The following SVIP variants were observed in gnomAD, a reference collection of about 807,000 sequenced individuals.
SVIP encodes small VCP/p97-interacting protein.
In SVIP, 14 loss-of-function variants were observed where a neutral mutation model predicts 12.9. That is an observed-to-expected ratio of 1.08 (90% CI 0.72 to 1.70). The LOEUF (loss-of-function observed/expected upper bound fraction) is 1.70. SVIP is among the 40% of genes most tolerant of loss of function. SVIP has a pLI of 0.00. For missense variants in SVIP, 93 were observed against 90.8 expected (o/e 1.02, Z -0.10); for synonymous variants, 35 against 33.3 (o/e 1.05, Z -0.17).
chr11:22,825,124 T>C (rs1208655179), intron 3 of SVIP, among the ~76,000 whole-genome samples: 4 of 151,990 alleles, frequency 2.6e-5, no homozygotes. Context: ...ACTCATACTC[T>C]AGGTAGAGTC....
Position 22,819,790 on chromosome 11 carries a change from CAAA to C in SVIP, c.*3326_*3328del. 6.6e-6 allele frequency: 1 copy of C among 152,234 alleles called. No individual in the cohort carries two copies. The highest frequency in any genetic ancestry group is 2.1e-4 in the South Asian group (1 of 4,792). 9.4% of individuals were successfully genotyped at this position (152,234 alleles called of 1,614,324 possible). A position where few individuals can be genotyped will look rare whatever the true frequency, so the allele number is the denominator to read the frequency against. On this transcript the variant is annotated 3_prime_UTR_variant, in exon 4 of 4. Transcript: ENST00000354193. ...TCCATCTCAAAAAACAAAACAAAAC[CAAA>C]AAAAGCCAATGCAATTCAGGATATA... is the stretch of plus-strand genomic sequence containing the variant.
At position 22,821,908 on chromosome 11, in the gene SVIP, A is replaced by G. The variant is rs1857501366; in HGVS notation, c.*1211T>C. The G allele has an allele frequency of 6.6e-6, 1 of 152,220 alleles. No homozygotes were observed. The highest frequency in any genetic ancestry group is 1.5e-5 in the Non-Finnish European group (1 of 68,024). The allele number at this position is 152,220 out of a possible 1,614,324, so 9.4% of individuals were successfully genotyped here. A position where few individuals can be genotyped will look rare whatever the true frequency, so the allele number is the denominator to read the frequency against. ...ATAACATAATTTTTGTTGGAGGGGT[A>G]GATGAAGATAGTGGCTCAGTTTCCT... On this transcript the variant is annotated 3_prime_UTR_variant, in exon 4 of 4. Coordinates refer to ENST00000354193, the MANE Select transcript of SVIP (RefSeq NM_148893.3).
In SVIP at chr11:22,829,777, G is replaced by A; in HGVS notation, c.-29C>T. The A allele has an allele frequency of 6.3e-7, 1 of 1,590,454 alleles. No homozygotes were observed. The highest frequency in any genetic ancestry group is 8.6e-7 in the Non-Finnish European group (1 of 1,169,500). On this transcript the variant is annotated 5_prime_UTR_variant, in exon 1 of 4. Transcript: ENST00000354193. Reference sequence around the variant, plus strand: ...GACGACAGCTTGAGAACCCTGACCGGGTCCGGCCCAGGCCAGGCGGCGCTA... The same window carrying A: ...GACGACAGCTTGAGAACCCTGACCGAGTCCGGCCCAGGCCAGGCGGCGCTA...
At chr11:22,828,007 G>T in intron 1 of SVIP, 133 bp from the exon 2 acceptor site, 1 of 579,276 alleles carries the variant, frequency 1.7e-6, no homozygotes, top group Admixed American at 3.7e-5. Flanking sequence ...CACAAAGAAT[G>T]CCACTACTCA....
rs924964222 is a variant in SVIP, at chr11:22,829,629, G to A, written c.54+66C>T. On this transcript the variant is annotated intron_variant, in intron 1 of 3. Transcript: ENST00000354193. ...GCCACCAGGTACAATGGCTCGGCCCGCCCCGCAACCCGAGGACAGGTGCTC... is the reference window on the plus strand; with the variant it reads ...GCCACCAGGTACAATGGCTCGGCCCACCCCGCAACCCGAGGACAGGTGCTC... The A allele has an allele frequency of 7.4e-6, 11 of 1,489,914 alleles. 2 individuals carry two copies. The Middle Eastern group carries it at 5.5e-4, about 75-fold the overall frequency. 92.3% of individuals were successfully genotyped at this position (1,489,914 alleles called of 1,614,324 possible).
At chr11:22,825,352 T>C (rs935884198) in intron 3 of SVIP, among the ~76,000 whole-genome samples, 1 of 152,156 alleles carries the variant, frequency 6.6e-6, no homozygotes, top group South Asian at 2.1e-4. Context: ...TCTTGACATG[T>C]TGTGCATGTG....
At chr11:22,823,260 C>T (rs570410374) in intron 3 of SVIP, 127 bp from the exon 4 acceptor site, 57 of 638,494 alleles carry the variant, frequency 8.9e-5, no homozygotes, top group Middle Eastern at 4.4e-4. Flanking sequence ...TTCTGAATAG[C>T]AGCTATTCAT....
rs1465357600 is a variant in SVIP at position 22,822,036 on chromosome 11, A to G, written c.*1083T>C. On this transcript the variant is annotated 3_prime_UTR_variant, in exon 4 of 4. Transcript: ENST00000354193. ...GGCTCAACATGTGGCCTTGCCATTTAAAAGAGCTATCAGCCTTAATAGCTA... is the reference window on the plus strand; with the variant it reads ...GGCTCAACATGTGGCCTTGCCATTTGAAAGAGCTATCAGCCTTAATAGCTA... 6.6e-6 allele frequency: 1 copy of G among 152,214 alleles called. No homozygotes were observed. Among genetic ancestry groups the G allele is most frequent in the Non-Finnish European group, 1.5e-5 (1 of 68,006 alleles). 9.4% of individuals were successfully genotyped at this position (152,214 alleles called of 1,614,324 possible).
Position 22,822,578 on chromosome 11 carries a change from G to T in SVIP, c.*541C>A, listed in dbSNP as rs1253909526. ...TGGAAAAAATTTTACATCTGCCTAA[G>T]AATACTCATTACTAAGTTATAAAAA... is the stretch of plus-strand genomic sequence containing the variant. On this transcript the variant is annotated 3_prime_UTR_variant, in exon 4 of 4. Transcript: ENST00000354193. 6.6e-6 allele frequency: 1 copy of T among 152,076 alleles called. No homozygotes were observed. The highest frequency in any genetic ancestry group is 2.4e-5 in the African/African-American group (1 of 41,424). 9.4% of individuals were successfully genotyped at this position (152,076 alleles called of 1,614,324 possible).
At chr11:22,827,771 A>G (rs1436262638) in intron 2 of SVIP, 53 bp downstream of exon 2, 1 of 1,448,978 alleles carries the variant, frequency 6.9e-7, no homozygotes, top group Non-Finnish European at 9.4e-7. Flanking sequence ...TCTATGAAGA[A>G]TAAAGTCCAA....
In SVIP at chr11:22,820,739, T is replaced by A. The variant is rs1381378338; in HGVS notation, c.*2380A>T. On this transcript the variant is annotated 3_prime_UTR_variant, in exon 4 of 4. Transcript: ENST00000354193. Reference sequence around the variant, plus strand: ...AACAAACAGAAACACAGAGATGTTTTAAAAAACATGCAGCACGTTACAAAG... The same window carrying A: ...AACAAACAGAAACACAGAGATGTTTAAAAAAACATGCAGCACGTTACAAAG... 1 of 152,182 alleles carries A rather than the reference T, an allele frequency of 6.6e-6. No individual in the cohort carries two copies. The highest frequency in any genetic ancestry group is 1.5e-5 in the Non-Finnish European group (1 of 68,028). 9.4% of individuals were successfully genotyped at this position (152,182 alleles called of 1,614,324 possible).
chr11:22,824,497 C>T (rs200250559), intron 3 of SVIP, among the ~76,000 whole-genome samples: 11 of 120,240 alleles, frequency 9.1e-5, no homozygotes, highest in East Asian at 7.3e-4. Context: ...TATATATATA[C>T]GTATATATAT....
intron 3 of SVIP, among the ~76,000 whole-genome samples, chr11:22,826,543 G>C (rs1274785925): frequency 6.6e-6 from 1 of 152,056 alleles, no homozygotes; most frequent in Non-Finnish European, 1.5e-5. Context: ...ATTTTCCTGA[G>C]CTTTAAGGGA....
chr11:22,827,893 AT>A lies in SVIP; in HGVS notation c.55-20del, dbSNP rs1225674890. 5.3e-6 allele frequency: 8 copies of A among 1,514,178 alleles called. No homozygotes were observed. The highest frequency in any genetic ancestry group is 7.1e-6 in the Non-Finnish European group (8 of 1,118,982). 93.8% of individuals were successfully genotyped at this position (1,514,178 alleles called of 1,614,324 possible). A position where few individuals can be genotyped will look rare whatever the true frequency, so the allele number is the denominator to read the frequency against. On this transcript the variant is annotated intron_variant, in intron 1 of 3. Transcript: ENST00000354193. ...TCTCTTCCTAAATAAATGTGTAAAA[AT>A]ATGTATTAAAATAACAAACATTATT...
rs1857478578 is a variant in SVIP at position 22,821,311 on chromosome 11, A to C, written c.*1808T>G. 6.6e-6 allele frequency: 1 copy of C among 151,892 alleles called. No homozygotes were observed. Among genetic ancestry groups the C allele is most frequent in the Admixed American group, 6.6e-5 (1 of 15,228 alleles). The allele number at this position is 151,892 out of a possible 1,614,324, so 9.4% of individuals were successfully genotyped here. On this transcript the variant is annotated 3_prime_UTR_variant, in exon 4 of 4. Coordinates refer to ENST00000354193, the MANE Select transcript of SVIP (RefSeq NM_148893.3). The stretch of plus-strand genomic sequence containing the variant: ...CTGCGACCCATGTGGTTTTGGAGAA[A>C]GCTGATCACACTCACGGTGACAGGC...
intron 3 of SVIP, among the ~76,000 whole-genome samples, 179 bp from the exon 4 acceptor site, chr11:22,823,312 G>A (rs956905575): frequency 6.6e-6 from 1 of 152,204 alleles, no homozygotes; most frequent in African/African-American, 2.4e-5. Flanking sequence ...TAAGATGATA[G>A]TTTAAAAGCA....
intron 1 of SVIP, chr11:22,829,407 G>A (rs985422585): frequency 5.7e-6 from 2 of 351,830 alleles, no homozygotes; most frequent in Non-Finnish European, 1.0e-5. Flanking sequence ...GTGCGCCGGC[G>A]CCCTATGAAG....
At chr11:22,825,565 C>T (rs1290340791) in intron 3 of SVIP, among the ~76,000 whole-genome samples, 1 of 152,112 alleles carries the variant, frequency 6.6e-6, no homozygotes, top group Non-Finnish European at 1.5e-5. Context: ...CTTACAAGAA[C>T]AGTACACAAA....
chr11:22,827,263 C>T lies in SVIP; in HGVS notation c.163G>A (p.Glu55Lys). ...GTAGCAATTTGTTTTTCTATTTTTT[C>T]CTTTTTCTTTCTCTTTTCTTGCACA... is the stretch of plus-strand genomic sequence containing the variant. ...QSVQEKRKKK[E>K]KIEKQIATSG... The change falls in exon 3 of 4, where the codon GAA (glutamate) becomes AAA (lysine). Residue 55 changes from glutamate to lysine, a missense_variant. By Grantham distance (56) the Glu-to-Lys change is moderately conservative. Coordinates refer to ENST00000354193, the MANE Select transcript of SVIP (RefSeq NM_148893.3). 1 of 1,609,808 alleles carries T rather than the reference C, an allele frequency of 6.2e-7. No homozygotes were observed. The highest frequency in any genetic ancestry group is 8.5e-7 in the Non-Finnish European group (1 of 1,178,420).
Sources: gnomAD v4.1 joint callset for allele counts (sites outside exome capture counted in the v4.1 genomes callset) on GRCh38, gnomAD v4.1.1 for gene constraint, MANE v1.5 for transcripts, NCBI Gene and HGNC (gene_info 2026-07-23, HGNC 2026-07-21) for gene names.